MAGI1: variants seen among roughly 807,000 people sequenced by gnomAD.
The protein encoded by MAGI1 is membrane associated guanylate kinase, WW and PDZ domain containing 1.
MAGI1 carries 58 observed loss-of-function variants against 139.9 expected under a neutral mutation model. The observed-to-expected ratio is 0.41, with a 90% CI of 0.34 to 0.52. The LOEUF (loss-of-function observed/expected upper bound fraction) is 0.52. Ranked by LOEUF, MAGI1 falls within the 20% of genes least tolerant of loss-of-function variation. The pLI, the probability that MAGI1 is intolerant of heterozygous loss-of-function variation, is 0.12. For synonymous variants in MAGI1, 812 were observed against 737.9 expected (o/e 1.10, Z -1.63); for missense variants, 1,874 against 1,901.6 (o/e 0.99, Z 0.27).
intron 1 of MAGI1, among the ~76,000 whole-genome samples, chr3:65,767,246 T>C (rs1173869523): frequency 6.6e-6 from 1 of 152,122 alleles, no homozygotes; most frequent in Non-Finnish European, 1.5e-5. Context: ...CTATTATATT[T>C]CTTACAGATC....
intron 1 of MAGI1, among the ~76,000 whole-genome samples, chr3:65,825,244 C>T (rs1169841102): frequency 1.3e-5 from 2 of 152,142 alleles, no homozygotes; most frequent in Non-Finnish European, 2.9e-5. Context: ...TCTTTTTTTC[C>T]ACTAACAGGC....
At chr3:65,463,378 G>A (rs1949946840) in intron 5 of MAGI1, among the ~76,000 whole-genome samples, 1 of 152,116 alleles carries the variant, frequency 6.6e-6, no homozygotes, top group Non-Finnish European at 1.5e-5. Context: ...TTTTGTCATT[G>A]GTTCTGTTTA....
intron 2 of MAGI1, among the ~76,000 whole-genome samples, chr3:65,514,246 G>T (rs1273906054): frequency 6.7e-6 from 1 of 148,520 alleles, no homozygotes; most frequent in Non-Finnish European, 1.5e-5. Flanking sequence ...ACATAGGCAT[G>T]GGCAAGGACT....
intron 21 of MAGI1, among the ~76,000 whole-genome samples, chr3:65,362,281 CATA>C (rs1261074294): frequency 2.0e-5 from 3 of 152,020 alleles, no homozygotes; most frequent in Non-Finnish European, 4.4e-5. Context: ...TACAAAGTAG[CATA>C]ATAATATTTC....
intron 1 of MAGI1, among the ~76,000 whole-genome samples, chr3:65,828,368 C>T (rs2108283640): frequency 6.6e-6 from 1 of 152,270 alleles, no homozygotes; most frequent in Admixed American, 6.5e-5. Flanking sequence ...TTTCTCACCC[C>T]CCAAACTCAA....
At chr3:65,962,039 C>T (rs895529433) in intron 1 of MAGI1, among the ~76,000 whole-genome samples, 1 of 152,070 alleles carries the variant, frequency 6.6e-6, no homozygotes, top group Non-Finnish European at 1.5e-5. Flanking sequence ...TGTTTGTCTC[C>T]TCCTATCCGT....
chr3:65,526,801 A>G (rs1422878203), intron 2 of MAGI1, among the ~76,000 whole-genome samples: 1 of 152,152 alleles, frequency 6.6e-6, no homozygotes, highest in Non-Finnish European at 1.5e-5. Context: ...TGGTGATTAA[A>G]CATTCCTACA....
chr3:65,739,002 T>A (rs1413162187), intron 1 of MAGI1, among the ~76,000 whole-genome samples: 2 of 152,224 alleles, frequency 1.3e-5, no homozygotes, highest in African/African-American at 4.8e-5. Flanking sequence ...GTCTGTCCTT[T>A]GAAGTTTTGA....
In MAGI1 at chr3:65,610,962, GTATA is replaced by G. The variant is rs1393899270; in HGVS notation, c.430+11006_430+11009del. 5.4e-5 allele frequency among the ~76,000 whole-genome samples: 7 copies of G among 130,016 alleles called. No individual in the cohort carries two copies. The East Asian group carries it at 6.5e-4, about 12-fold the overall frequency. 85.3% of individuals were successfully genotyped at this position (130,016 alleles called of 152,430 possible). On this transcript the variant is annotated intron_variant, in intron 2 of 22. Coordinates refer to ENST00000402939, the MANE Select transcript of MAGI1 (RefSeq NM_001033057.2). ...TATAGTAGATAGTATATACTATATA[GTATA>G]TAGACACTATATAGTAGATAGTATA...
At chr3:65,614,230 T>C (rs759979603) in intron 2 of MAGI1, among the ~76,000 whole-genome samples, 6 of 152,214 alleles carry the variant, frequency 3.9e-5, no homozygotes, top group Admixed American at 6.5e-5. Context: ...GAATGGGCCC[T>C]GAAAGGTGGC....
At chr3:65,742,411 G>A (rs1301064230) in intron 1 of MAGI1, among the ~76,000 whole-genome samples, 2 of 152,100 alleles carry the variant, frequency 1.3e-5, no homozygotes, top group Non-Finnish European at 2.9e-5. Context: ...TTTATGTAGA[G>A]CAAGTAAGGG....
chr3:65,940,338 C>G (rs1009648650), intron 1 of MAGI1, among the ~76,000 whole-genome samples: 2 of 152,192 alleles, frequency 1.3e-5, no homozygotes, highest in Non-Finnish European at 2.9e-5. Flanking sequence ...TTATAAATAA[C>G]AGAAATTTAT....
At chr3:65,722,885 G>A (rs768038010) in intron 1 of MAGI1, among the ~76,000 whole-genome samples, 74 of 152,044 alleles carry the variant, frequency 4.9e-4, no homozygotes, top group Non-Finnish European at 4.1e-4. Flanking sequence ...AATACTTGTG[G>A]GGGTAGGGGA....
intron 1 of MAGI1, among the ~76,000 whole-genome samples, chr3:65,923,893 T>C (rs1254085135): frequency 6.6e-6 from 1 of 152,216 alleles, no homozygotes; most frequent in Non-Finnish European, 1.5e-5. Flanking sequence ...TCTGAAACTG[T>C]AGAGGATAAG....
chr3:65,363,678 T>G (rs1041070563), intron 20 of MAGI1, 70 bp from the exon 21 acceptor site: 1 of 1,395,106 alleles, frequency 7.2e-7, no homozygotes, highest in Non-Finnish European at 9.8e-7. Context: ...TAAACATTCT[T>G]GGCAAAAAGG....
At chr3:65,360,934 G>A (rs1395742036) in intron 22 of MAGI1, 28 of 1,396,368 alleles carry the variant, frequency 2.0e-5, no homozygotes, top group East Asian at 1.8e-4. Flanking sequence ...GCTCTTGGTC[G>A]GACTAGACAA....
intron 1 of MAGI1, among the ~76,000 whole-genome samples, chr3:65,863,993 T>C (rs1395509370): frequency 6.6e-6 from 1 of 152,162 alleles, no homozygotes; most frequent in Non-Finnish European, 1.5e-5. Flanking sequence ...TGTCTTGCTC[T>C]CTAACTACTA....
intron 1 of MAGI1, among the ~76,000 whole-genome samples, chr3:65,676,268 A>C (rs1023918450): frequency 6.6e-6 from 1 of 152,154 alleles, no homozygotes; most frequent in Non-Finnish European, 1.5e-5. Flanking sequence ...ATAGATGCAA[A>C]CTGAAGGACA....
intron 1 of MAGI1, among the ~76,000 whole-genome samples, chr3:65,957,520 C>CAAAAA (rs761240940): frequency 2.1e-3 from 61 of 29,700 alleles, no homozygotes; most frequent in Non-Finnish European, 2.4e-3. Flanking sequence ...GACTTCATCT[C>CAAAAA]AAAAAAAAAA....
Sources: gnomAD v4.1 joint callset for allele counts (sites outside exome capture counted in the v4.1 genomes callset) on GRCh38, gnomAD v4.1.1 for gene constraint, MANE v1.5 for transcripts, NCBI Gene and HGNC (gene_info 2026-07-23, HGNC 2026-07-21) for gene names.